The following RASA1 variants were observed in gnomAD, a reference collection of about 807,000 sequenced individuals.
The protein encoded by RASA1 is RAS p21 protein activator 1.
In RASA1, 25 loss-of-function variants were observed where a neutral mutation model predicts 132.2. The ratio of observed to expected loss-of-function variants is 0.19; its 90% CI spans 0.14 to 0.26. The LOEUF (loss-of-function observed/expected upper bound fraction) is 0.26. Among genes scored for constraint, RASA1 ranks in the 10% least tolerant of loss-of-function variants. RASA1 has a pLI of 1.00. For missense variants in RASA1, 964 were observed against 1,299.2 expected (o/e 0.74, Z 3.97); for synonymous variants, 477 against 449.9 (o/e 1.06, Z -0.76).
intron 1 of RASA1, among the ~76,000 whole-genome samples, chr5:87,321,427 C>G (rs942047401): frequency 1.3e-5 from 2 of 152,184 alleles, no homozygotes; most frequent in Non-Finnish European, 2.9e-5. Flanking sequence ...GTCTTGGGGT[C>G]TGGGCCCTCC....
chr5:87,378,086 T>C (rs774079716), intron 17 of RASA1, among the ~76,000 whole-genome samples: 1 of 152,246 alleles, frequency 6.6e-6, no homozygotes, highest in Non-Finnish European at 1.5e-5. Context: ...TTTATGGTCC[T>C]AATTTTATCA....
chr5:87,328,467 G>A (rs1757392059), intron 1 of RASA1, among the ~76,000 whole-genome samples: 1 of 152,108 alleles, frequency 6.6e-6, no homozygotes, highest in Non-Finnish European at 1.5e-5. Context: ...TTATTGCTGT[G>A]ACTATTTGTA....
At position 87,268,035 on chromosome 5, in the gene RASA1, C is replaced by T; in HGVS notation, c.-417C>T. ...TCAGCAGCGGCACCGGCGGTGGCTG[C>T]GGTGTGGGTGGCCGGAACTGGGGTG... On this transcript the variant is annotated 5_prime_UTR_variant, in exon 1 of 25. Coordinates refer to ENST00000274376, the MANE Select transcript of RASA1 (RefSeq NM_002890.3). 1 of 403,230 alleles carries T rather than the reference C, an allele frequency of 2.5e-6. No individual in the cohort carries two copies. Among genetic ancestry groups the T allele is most frequent in the East Asian group, 3.6e-5 (1 of 27,784 alleles). 25.0% of individuals were successfully genotyped at this position (403,230 alleles called of 1,614,324 possible).
chr5:87,329,969 A>G (rs962708831), intron 1 of RASA1, among the ~76,000 whole-genome samples: 1 of 152,114 alleles, frequency 6.6e-6, no homozygotes, highest in South Asian at 2.1e-4. Context: ...TTTACTTGTC[A>G]TTTGTCTCAA....
At chr5:87,322,844 C>CA (rs764604046) in intron 1 of RASA1, among the ~76,000 whole-genome samples, 13 of 152,144 alleles carry the variant, frequency 8.5e-5, no homozygotes, top group Non-Finnish European at 1.9e-4. Context: ...AAGAAGGAAT[C>CA]AAAGTTGCTT....
intron 13 of RASA1, among the ~76,000 whole-genome samples, chr5:87,373,006 A>C (rs568685927): frequency 6.6e-6 from 1 of 152,298 alleles, no homozygotes; most frequent in Admixed American, 6.5e-5. Flanking sequence ...CCATGTCTTC[A>C]TAACATTGTA....
chr5:87,323,331 G>C (rs1375164446), intron 1 of RASA1, among the ~76,000 whole-genome samples: 1 of 152,136 alleles, frequency 6.6e-6, no homozygotes, highest in Non-Finnish European at 1.5e-5. Context: ...AAAAATCTTT[G>C]TTGAATGAAT....
chr5:87,313,498 A>C (rs1228330914), intron 1 of RASA1, among the ~76,000 whole-genome samples: 1 of 152,210 alleles, frequency 6.6e-6, no homozygotes, highest in Non-Finnish European at 1.5e-5. Context: ...GAATTTCCAC[A>C]TAGGCAGGAC....
chr5:87,292,367 C>CTTTTT (rs76957126), intron 1 of RASA1, among the ~76,000 whole-genome samples: 2 of 120,222 alleles, frequency 1.7e-5, no homozygotes, highest in African/African-American at 3.0e-5. Context: ...TGTTTACATT[C>CTTTTT]TTTTTTTTTT....
At chr5:87,276,318 A>G (rs1754059475) in intron 1 of RASA1, among the ~76,000 whole-genome samples, 1 of 152,200 alleles carries the variant, frequency 6.6e-6, no homozygotes, top group Admixed American at 6.5e-5. Flanking sequence ...TTATTGTTTG[A>G]ATATGCAGGT....
chr5:87,283,146 G>GTT (rs1235994274), intron 1 of RASA1, among the ~76,000 whole-genome samples: 1 of 95,264 alleles, frequency 1.0e-5, no homozygotes, highest in Admixed American at 9.8e-5. Context: ...TTTTTTTTTT[G>GTT]TGTTTTTTTT....
At chr5:87,374,442 C>CATAT (rs772543160) in intron 14 of RASA1, 122 bp downstream of exon 14, 105 of 283,164 alleles carry the variant, frequency 3.7e-4, no homozygotes, top group East Asian at 1.1e-3. Flanking sequence ...GTTCTAATAG[C>CATAT]ATATATATAT....
intron 1 of RASA1, among the ~76,000 whole-genome samples, chr5:87,303,003 G>C (rs1345575024): frequency 1.3e-5 from 2 of 152,054 alleles, no homozygotes; most frequent in African/African-American, 4.8e-5. Flanking sequence ...GAGCAAGGAA[G>C]AGGTCAAGAT....
chr5:87,364,228 C>G (rs1310789027), intron 11 of RASA1, among the ~76,000 whole-genome samples: 1 of 152,062 alleles, frequency 6.6e-6, no homozygotes, highest in Non-Finnish European at 1.5e-5. Context: ...TTCTGTGAGG[C>G]AAATCTACGT....
At chr5:87,380,195 A>ATTAGTGAACTT (rs1418796467) in intron 19 of RASA1, among the ~76,000 whole-genome samples, 1 of 152,164 alleles carries the variant, frequency 6.6e-6, no homozygotes, top group Non-Finnish European at 1.5e-5. Context: ...GGCCTCCAGT[A>ATTAGTGAACTT]TTAGTGAACT....
chr5:87,298,400 G>T (rs1755214252), intron 1 of RASA1, among the ~76,000 whole-genome samples: 3 of 145,896 alleles, frequency 2.1e-5, no homozygotes, highest in Admixed American at 1.4e-4. Context: ...ACGACAGAGC[G>T]AGACTCTGTC....
chr5:87,316,174 T>C (rs1561275277), intron 1 of RASA1, among the ~76,000 whole-genome samples: 1 of 152,230 alleles, frequency 6.6e-6, no homozygotes, highest in Non-Finnish European at 1.5e-5. Flanking sequence ...AAAGCAAATA[T>C]GACGAATGGT....
At chr5:87,338,582 G>A (rs1466750812) in intron 5 of RASA1, among the ~76,000 whole-genome samples, 1 of 142,410 alleles carries the variant, frequency 7.0e-6, no homozygotes, top group Non-Finnish European at 1.5e-5. Flanking sequence ...ATGTTGGCCA[G>A]GCTGGTCTCA....
intron 1 of RASA1, among the ~76,000 whole-genome samples, chr5:87,289,660 G>A (rs1754827469): frequency 6.6e-6 from 1 of 151,900 alleles, no homozygotes; most frequent in Admixed American, 6.6e-5. Flanking sequence ...TCTCAGGTTG[G>A]AGTGCAGTGG....
Sources: allele counts gnomAD v4.1 joint callset (sites outside exome capture counted in the v4.1 genomes callset), GRCh38; gene constraint gnomAD v4.1.1; transcripts MANE v1.5; gene names NCBI Gene and HGNC (gene_info 2026-07-23, HGNC 2026-07-21).